Variants in DNMT1 observed in about 807,000 individuals in gnomAD.
DNMT1 encodes DNA methyltransferase 1.
Under a neutral mutation model 205.3 loss-of-function variants are expected in DNMT1, and 24 were observed. The ratio of observed to expected loss-of-function variants is 0.12; its 90% confidence interval spans 0.08 to 0.16. The LOEUF (loss-of-function observed/expected upper bound fraction) is 0.16, where lower values mean the gene tolerates loss of function less well. DNMT1 is among the 10% of genes least tolerant of loss of function. The pLI, the probability that DNMT1 is intolerant of heterozygous loss-of-function variation, is 1.00. For missense variants in DNMT1, 1,293 were observed against 2,177.7 expected, an observed-to-expected ratio of 0.59 and a Z score of 8.09; for synonymous variants, 817 against 839.8, an observed-to-expected ratio of 0.97 and a Z score of 0.47.
intron 29 of DNMT1, chr19:10,142,725 G>A (rs536507786): frequency 6.1e-6 from 1 of 164,658 alleles, no homozygotes; most frequent in African/African-American, 2.4e-5. Flanking sequence ...CCCTACTTAG[G>A]GAACCGCAGG....
At chr19:10,179,126 CAAAAAAAAAAAA>C (rs1000467616) in intron 5 of DNMT1, among the ~76,000 whole-genome samples, 6 of 65,046 alleles carry the variant, frequency 9.2e-5, no homozygotes, top group Non-Finnish European at 1.3e-4. Flanking sequence ...GACTCCATCT[CAAAAAAAAAAAA>C]AAAAAAAAAA....
intron 1 of DNMT1, among the ~76,000 whole-genome samples, chr19:10,184,102 C>T (rs544868723): frequency 1.6e-3 from 239 of 152,204 alleles, no homozygotes; most frequent in African/African-American, 5.5e-3. Context: ...GGGGCACTCC[C>T]GTAAGGGAAA....
intron 6 of DNMT1, 97 bp from the exon 7 acceptor site, chr19:10,175,715 C>G: frequency 8.5e-7 from 1 of 1,174,872 alleles, no homozygotes; most frequent in East Asian, 2.3e-5. Context: ...TTGAAAGAGG[C>G]TTCAAGTTTA....
At chr19:10,144,205 C>T (rs984134756) in intron 28 of DNMT1, 15 of 568,158 alleles carry the variant, frequency 2.6e-5, no homozygotes, top group Non-Finnish European at 4.2e-5. Flanking sequence ...GTCAGAAGTT[C>T]GAGACCACCC....
chr19:10,142,787 A>G (rs2089627861), intron 29 of DNMT1: 1 of 163,740 alleles, frequency 6.1e-6, no homozygotes, highest in African/African-American at 2.4e-5. Flanking sequence ...TTCGCCCCCA[A>G]TTAGGGAACC....
intron 9 of DNMT1, among the ~76,000 whole-genome samples, chr19:10,171,844 TAAAA>T (rs1257526807): frequency 8.5e-6 from 1 of 117,328 alleles, no homozygotes; most frequent in South Asian, 2.6e-4. Context: ...AATAAATAAA[TAAAA>T]ACACAAAAAT....
intron 1 of DNMT1, among the ~76,000 whole-genome samples, chr19:10,193,380 G>A (rs1034674197): frequency 6.6e-6 from 1 of 151,798 alleles, no homozygotes; most frequent in Non-Finnish European, 1.5e-5. Context: ...CTTTTTTTGA[G>A]ACAGGGTCTC....
chr19:10,162,608 C>A (rs1448428813), intron 13 of DNMT1, 59 bp downstream of exon 13: 4 of 1,532,612 alleles, frequency 2.6e-6, no homozygotes, highest in Non-Finnish European at 3.5e-6. Flanking sequence ...CATGGCGAAA[C>A]CCCGTCTTGG....
intron 24 of DNMT1, 52 bp from the exon 25 acceptor site, chr19:10,150,020 G>T: frequency 6.7e-7 from 1 of 1,496,204 alleles, no homozygotes; most frequent in Non-Finnish European, 9.3e-7. Flanking sequence ...GTCTTTGCTG[G>T]CCTTGACTTG....
Position 10,156,658 on chromosome 19 carries a change from C to G in DNMT1, c.1281-149G>C, listed in dbSNP as rs2038463338. The stretch of plus-strand genomic sequence containing the variant: ...TTTGAGACAGAGTCTTGCTCTATCC[C>G]TCAGGCTGGAGCGCGATGGCATAAT... On this transcript the variant is annotated intron_variant, in intron 17 of 40. Coordinates refer to ENST00000359526, the MANE Select transcript of DNMT1 (RefSeq NM_001130823.3). This position sits in a 1 kb window ranked among gnomAD's most constrained non-coding sequence, Gnocchi z 4.2. 3 of 667,436 alleles carry G rather than the reference C, an allele frequency of 4.5e-6. No homozygotes were observed. In the East Asian group the frequency reaches 8.9e-5, roughly 20 times the overall value. 41.3% of individuals were successfully genotyped at this position (667,436 alleles called of 1,614,324 possible). A position where few individuals can be genotyped will look rare whatever the true frequency, so the allele number is the denominator to read the frequency against.
intron 1 of DNMT1, among the ~76,000 whole-genome samples, chr19:10,183,098 TATATATACGTGTGTATATATATATATA>T (rs1300181740): frequency 2.2e-3 from 317 of 144,082 alleles, no homozygotes; most frequent in African/African-American, 7.6e-3. Flanking sequence ...TATATACACG[TATATATACGTGTGTATATATATATATA>T]TTTTTTTTTT....
At position 10,194,837 on chromosome 19, in the gene DNMT1, G is replaced by A. The variant is rs1245074338; in HGVS notation, c.63C>T (p.Pro21=). The stretch of plus-strand genomic sequence containing the variant: ...GTACCTACCGCCTGCGGACATCGTC[G>A]GGCAGCGAGATGGCCGGGACGGCCA... ...PTLAVPAISL[P]DDVRRRLKDL... Residue 21 remains proline (P), a synonymous_variant, in exon 1 of 41, where the codon CCC becomes CCT. Coordinates refer to ENST00000359526, the MANE Select transcript of DNMT1 (RefSeq NM_001130823.3). 1.2e-6 allele frequency: 2 copies of A among 1,611,590 alleles called. No homozygotes were observed. Among genetic ancestry groups the A allele is most frequent in the East Asian group, 2.2e-5 (1 of 44,686 alleles).
intron 29 of DNMT1, 125 bp from the exon 30 acceptor site, chr19:10,142,345 C>A: frequency 2.3e-6 from 3 of 1,331,286 alleles, no homozygotes; most frequent in Non-Finnish European, 3.1e-6. Context: ...TCGAGAACCG[C>A]AGGGTAAAGA....
intron 5 of DNMT1, among the ~76,000 whole-genome samples, chr19:10,179,252 G>C (rs566651049): frequency 6.6e-6 from 1 of 151,580 alleles, no homozygotes; most frequent in African/African-American, 2.4e-5. Context: ...TGTAGCACTT[G>C]TCATCTGCAA....
chr19:10,151,481 T>A lies in DNMT1; in HGVS notation c.2182A>T (p.Met728Leu), dbSNP rs2038340689. 6.2e-7 allele frequency: 1 copy of A among 1,614,130 alleles called. No individual in the cohort carries two copies. The highest frequency in any genetic ancestry group is 8.5e-7 in the Non-Finnish European group (1 of 1,180,022). ...TGGTGCATTTTTTTGGGTGACGGCA[T>A]CTCTGGGATGTTATCATCGACTTCC... is the stretch of plus-strand genomic sequence containing the variant. ...DEEVDDNIPE[M>L]PSPKKMHQGK... Residue 728 changes from methionine (M) to leucine (L), a missense_variant, in exon 24 of 41, where the codon ATG (methionine) becomes TTG (leucine). Met to Leu is a conservative substitution (Grantham distance 15, BLOSUM62 2). Around this residue, in one of 13 missense-constraint regions of DNMT1, gnomAD observed 197 missense variants for 353.6 expected, o/e 0.56. Coordinates refer to ENST00000359526, the MANE Select transcript of DNMT1 (RefSeq NM_001130823.3). This position sits in a 1 kb window ranked among gnomAD's most constrained non-coding sequence, Gnocchi z 5.0.
chr19:10,142,288 C>T, intron 29 of DNMT1, 68 bp from the exon 30 acceptor site: 7 of 1,608,680 alleles, frequency 4.4e-6, no homozygotes, highest in South Asian at 1.1e-5. Flanking sequence ...TAAACAGTAC[C>T]ATGTTCCTGG....
chr19:10,178,842 A>G (rs1420289918), intron 5 of DNMT1, among the ~76,000 whole-genome samples: 2 of 141,166 alleles, frequency 1.4e-5, no homozygotes, highest in African/African-American at 5.3e-5. Context: ...AAATTCCAGA[A>G]GAGGCTGGGC....
Position 10,163,882 on chromosome 19 carries a change from A to C in DNMT1, c.892-522T>G, listed in dbSNP as rs187840994. Reference sequence around the variant, plus strand: ...ACATGCTGAGACCCCATCTCTGCAAAATATACTATATATATATATGACACA... The same window carrying C: ...ACATGCTGAGACCCCATCTCTGCAACATATACTATATATATATATGACACA... On this transcript the variant is annotated intron_variant, in intron 11 of 40. Transcript: ENST00000359526. Among the ~76,000 whole-genome samples the C allele has an allele frequency of 5.8e-4, 88 of 152,048 alleles. No homozygotes were observed. The East Asian group carries it at 0.015, about 27-fold the overall frequency.
chr19:10,184,003 G>A (rs374376317), intron 1 of DNMT1, among the ~76,000 whole-genome samples: 10 of 152,332 alleles, frequency 6.6e-5, no homozygotes, highest in East Asian at 5.8e-4. Context: ...ACAGTGAGCC[G>A]TGATTGCATC....
Sources: gnomAD v4.1 joint callset for allele counts (sites outside exome capture counted in the v4.1 genomes callset) on GRCh38, gnomAD v4.1.1 for gene constraint, gnomAD v4.1.1 regional missense constraint, Gnocchi (gnomAD v3.1) non-coding constraint, MANE v1.5 for transcripts, NCBI Gene and HGNC (gene_info 2026-07-23, HGNC 2026-07-21) for gene names.